NLGN4X: variants seen among roughly 807,000 people sequenced by gnomAD.
NLGN4X encodes the protein neuroligin 4 X-linked.
In NLGN4X, 3 loss-of-function variants were observed where a neutral mutation model predicts 40.3. The observed-to-expected ratio is 0.07, with a 90% confidence interval of 0.03 to 0.19. NLGN4X has a LOEUF of 0.19. Among genes scored for constraint, NLGN4X ranks in the 10% least tolerant of loss-of-function variants. NLGN4X has a pLI of 1.00. For missense variants in NLGN4X, 382 were observed against 708.3 expected, an observed-to-expected ratio of 0.54 and a Z score of 5.23; for synonymous variants, 270 against 306.8, an observed-to-expected ratio of 0.88 and a Z score of 1.25.
chrX:6,049,887 G>A (rs1381089581), intron 2 of NLGN4X, among the ~76,000 whole-genome samples: 2 of 111,555 alleles, frequency 1.8e-5, no homozygotes. Context: ...AGGAGTGACT[G>A]TGCTCTCCAC....
chrX:6,126,182 G>A (rs1263054572), intron 2 of NLGN4X, among the ~76,000 whole-genome samples: 1 of 110,798 alleles, frequency 9.0e-6, no homozygotes, highest in African/African-American at 3.3e-5. Context: ...GAAAAAACTG[G>A]GAATTGCAAG....
At chrX:6,199,022 A>T (rs1335023090) in intron 1 of NLGN4X, among the ~76,000 whole-genome samples, 1 of 112,021 alleles carries the variant, frequency 8.9e-6, no homozygotes, top group Non-Finnish European at 1.9e-5. Context: ...TTCTAAACTA[A>T]AAAGTAGGAG....
At chrX:6,216,347 G>A (rs1925088552) in intron 1 of NLGN4X, among the ~76,000 whole-genome samples, 1 of 112,098 alleles carries the variant, frequency 8.9e-6, no homozygotes. Context: ...TGGCTTCACT[G>A]AACATAATTT....
chrX:6,197,443 G>GTTTTTTTTTTTTTTTTTTTTTTTT (rs1602407338), intron 1 of NLGN4X, among the ~76,000 whole-genome samples: 2 of 82,607 alleles, frequency 2.4e-5, no homozygotes, highest in Non-Finnish European at 4.8e-5. Flanking sequence ...TTTTTTTTTT[G>GTTTTTTTTTTTTTTTTTTTTTTTT]TATTTTTTAT....
intron 3 of NLGN4X, among the ~76,000 whole-genome samples, chrX:6,009,325 T>C (rs1190832634): frequency 2.7e-5 from 3 of 112,064 alleles, no homozygotes; most frequent in Non-Finnish European, 5.6e-5. Flanking sequence ...TGTTTACTTT[T>C]TTGAGGAACA....
chrX:6,181,556 G>A (rs1262552459), intron 1 of NLGN4X, among the ~76,000 whole-genome samples: 1 of 111,570 alleles, frequency 9.0e-6, no homozygotes, highest in East Asian at 2.8e-4. Flanking sequence ...TGCATCTGAT[G>A]AGAAGCTTCT....
intron 1 of NLGN4X, among the ~76,000 whole-genome samples, chrX:6,179,409 T>C (rs1921182852): frequency 8.9e-6 from 1 of 112,195 alleles, no homozygotes; most frequent in African/African-American, 3.2e-5. Flanking sequence ...ATCACTCCAG[T>C]TGCATAGGGC....
intron 3 of NLGN4X, among the ~76,000 whole-genome samples, chrX:5,954,610 CTG>C (rs1169068058): frequency 2.3e-4 from 23 of 100,676 alleles, no homozygotes; most frequent in African/African-American, 8.7e-4. Context: ...GTCTCTGTCT[CTG>C]TCTCTGTCTC....
chrX:6,141,480 A>G (rs1039900698), intron 2 of NLGN4X, among the ~76,000 whole-genome samples: 1 of 112,124 alleles, frequency 8.9e-6, no homozygotes, highest in Non-Finnish European at 1.9e-5. Context: ...ATGTATAATC[A>G]TATTACTCTT....
At chrX:6,152,431 C>G (rs1383083069) in intron 1 of NLGN4X, among the ~76,000 whole-genome samples, 1 of 112,349 alleles carries the variant, frequency 8.9e-6, no homozygotes, top group Non-Finnish European at 1.9e-5. Flanking sequence ...ATGGGTACTT[C>G]CAAAACACTG....
intron 1 of NLGN4X, among the ~76,000 whole-genome samples, chrX:6,156,167 T>C (rs1325683085): frequency 1.8e-5 from 2 of 111,757 alleles, no homozygotes; most frequent in African/African-American, 3.3e-5. Flanking sequence ...CAACAGTAGA[T>C]TGAATAAAGA....
chrX:5,905,680 C>T (rs934558429), intron 4 of NLGN4X, among the ~76,000 whole-genome samples: 1 of 111,968 alleles, frequency 8.9e-6, no homozygotes, highest in Non-Finnish European at 1.9e-5. Flanking sequence ...AACAGTCTGG[C>T]TATATTTATT....
chrX:6,096,107 G>A (rs1447837053), intron 2 of NLGN4X, among the ~76,000 whole-genome samples: 1 of 111,964 alleles, frequency 8.9e-6, no homozygotes, highest in Non-Finnish European at 1.9e-5. Context: ...GCCTTATGAA[G>A]AAGTTATGTT....
Position 5,903,614 on chromosome X carries a change from A to T in NLGN4X, c.1064T>A (p.Ile355Asn). ...DGDVIPDDPQ[I>N]LMEQGEFLNY... The stretch of plus-strand genomic sequence containing the variant: ...GAGGAACTCGCCTTGCTCCATCAGG[A>T]TCTGGGGGTCGTCTGGGATGACGTC... Residue 355 changes from isoleucine (I) to asparagine (N), a missense_variant, in exon 5 of 6, where the codon ATC (isoleucine) becomes AAC (asparagine). Transcript: ENST00000381095. 1 of 1,211,086 alleles carries T rather than the reference A, an allele frequency of 8.3e-7. No individual in the cohort carries two copies. Among genetic ancestry groups the T allele is most frequent in the Non-Finnish European group, 1.1e-6 (1 of 895,346 alleles).
intron 2 of NLGN4X, among the ~76,000 whole-genome samples, chrX:6,146,458 A>G (rs920259469): frequency 2.1e-4 from 23 of 111,520 alleles, no homozygotes; most frequent in East Asian, 2.0e-3. Flanking sequence ...ATCTACCTCT[A>G]GGTTTATTAA....
At chrX:5,959,214 C>T (rs751355802) in intron 3 of NLGN4X, among the ~76,000 whole-genome samples, 1 of 111,970 alleles carries the variant, frequency 8.9e-6, no homozygotes, top group Non-Finnish European at 1.9e-5. Flanking sequence ...CTTTCTCAGT[C>T]AGCATCAGGT....
chrX:6,050,367 TCTAC>T (rs1365817707), intron 2 of NLGN4X, among the ~76,000 whole-genome samples: 1 of 111,222 alleles, frequency 9.0e-6, no homozygotes, highest in Non-Finnish European at 1.9e-5. Flanking sequence ...ATCTCTGTCC[TCTAC>T]CTACCTACCT....
intron 3 of NLGN4X, among the ~76,000 whole-genome samples, chrX:5,936,868 G>T (rs1397330341): frequency 8.9e-6 from 1 of 112,062 alleles, no homozygotes; most frequent in Non-Finnish European, 1.9e-5. Flanking sequence ...TGGTGAATCT[G>T]CTCTAGCCGA....
chrX:5,976,274 C>CGGAA (rs969635152), intron 3 of NLGN4X, among the ~76,000 whole-genome samples: 2 of 112,261 alleles, frequency 1.8e-5, no homozygotes, highest in Non-Finnish European at 3.8e-5. Flanking sequence ...GGACTATGTT[C>CGGAA]TTCCTAGTGA....
Sources: allele counts gnomAD v4.1 joint callset (sites outside exome capture counted in the v4.1 genomes callset), GRCh38; gene constraint gnomAD v4.1.1; transcripts MANE v1.5; gene names NCBI Gene and HGNC (gene_info 2026-07-23, HGNC 2026-07-21).